RHOT1: variants seen among roughly 807,000 people sequenced by gnomAD.
RHOT1 encodes ras homolog family member T1, also known as mitochondrial Rho GTPase 1.
RHOT1 carries 27 observed loss-of-function variants against 95.3 expected under a neutral mutation model. The ratio of observed to expected loss-of-function variants is 0.28; its 90% CI spans 0.21 to 0.39. RHOT1 has a LOEUF of 0.39. RHOT1 is among the 10% of genes least tolerant of loss of function. The pLI is 1.00. For synonymous variants in RHOT1, 227 were observed against 263.5 expected (o/e 0.86, Z 1.34); for missense variants, 578 against 786.7 (o/e 0.73, Z 3.17).
intron 2 of RHOT1, among the ~76,000 whole-genome samples, chr17:32,173,509 T>G (rs1043478675): frequency 1.3e-5 from 2 of 152,032 alleles, no homozygotes; most frequent in African/African-American, 4.8e-5. Context: ...GGTCAGGAGT[T>G]CAAGACTAGC....
At chr17:32,200,043 G>A (rs2037196154) in intron 13 of RHOT1, among the ~76,000 whole-genome samples, 1 of 150,574 alleles carries the variant, frequency 6.6e-6, no homozygotes, top group Non-Finnish European at 1.5e-5. Flanking sequence ...CTGGGTTCAA[G>A]CCATTCTCCT....
intron 11 of RHOT1, among the ~76,000 whole-genome samples, chr17:32,196,379 A>T (rs2036889447): frequency 6.6e-6 from 1 of 152,048 alleles, no homozygotes; most frequent in Admixed American, 6.6e-5. Flanking sequence ...TTTTGTAGAG[A>T]TGAGGTCTCC....
chr17:32,187,068 C>G (rs9889530), intron 8 of RHOT1, among the ~76,000 whole-genome samples: 27,536 of 151,694 alleles, frequency 0.18, 2,582 homozygotes, highest in South Asian at 0.26. Context: ...AGGGGGATCA[C>G]TTGAAGCCAG....
At chr17:32,175,114 C>T (rs906192533) in intron 3 of RHOT1, among the ~76,000 whole-genome samples, 2 of 152,198 alleles carry the variant, frequency 1.3e-5, no homozygotes, top group Non-Finnish European at 2.9e-5. Flanking sequence ...CTGTTCCATG[C>T]CTGAGTTATC....
At chr17:32,208,330 T>G (rs776334118) in intron 18 of RHOT1, 21 bp downstream of exon 18, 2 of 1,598,796 alleles carry the variant, frequency 1.3e-6, no homozygotes, top group Non-Finnish European at 1.7e-6. Context: ...GCTGTCTTCA[T>G]TTTCATGTTG....
chr17:32,198,734 ATGT>A (rs1240425067), intron 11 of RHOT1, among the ~76,000 whole-genome samples: 4 of 152,094 alleles, frequency 2.6e-5, no homozygotes, highest in African/African-American at 9.7e-5. Flanking sequence ...AAAAAAGAAA[ATGT>A]TGTTACTTTG....
intron 1 of RHOT1, among the ~76,000 whole-genome samples, chr17:32,166,102 C>T (rs574354166): frequency 4.0e-5 from 6 of 150,922 alleles, no homozygotes; most frequent in African/African-American, 1.2e-4. Flanking sequence ...ACATGAAAAT[C>T]GCTTGAACCT....
At chr17:32,166,331 G>T (rs995123442) in intron 1 of RHOT1, among the ~76,000 whole-genome samples, 1 of 152,122 alleles carries the variant, frequency 6.6e-6, no homozygotes, top group Admixed American at 6.5e-5. Flanking sequence ...TCAGTGAGTT[G>T]TAACCTTTTT....
intron 8 of RHOT1, among the ~76,000 whole-genome samples, chr17:32,185,171 T>C (rs1349165933): frequency 6.6e-6 from 1 of 152,014 alleles, no homozygotes; most frequent in Non-Finnish European, 1.5e-5. Context: ...AGTGCAATGG[T>C]GCGATCTCTG....
chr17:32,194,677 A>G (rs1346059246), intron 11 of RHOT1, among the ~76,000 whole-genome samples: 1 of 152,108 alleles, frequency 6.6e-6, no homozygotes, highest in Non-Finnish European at 1.5e-5. Flanking sequence ...CTAGACAACA[A>G]ACTTGTTTTG....
chr17:32,174,892 C>T (rs1236464683), intron 3 of RHOT1, among the ~76,000 whole-genome samples: 1 of 152,140 alleles, frequency 6.6e-6, no homozygotes, highest in East Asian at 1.9e-4. Flanking sequence ...GCCTCTGGGT[C>T]TTGGTTATTA....
Position 32,142,629 on chromosome 17 carries a change from G to T in RHOT1, c.-64G>T. On this transcript the variant is annotated 5_prime_UTR_variant, in exon 1 of 20. Transcript: ENST00000545287. Reference sequence around the variant, plus strand: ...TGGCAGGTGGCGCCGTGGGGTGGGTGCTCCTGGTGAGAGGAGTCCACTCCG... The same window carrying T: ...TGGCAGGTGGCGCCGTGGGGTGGGTTCTCCTGGTGAGAGGAGTCCACTCCG... 3.6e-6 allele frequency: 5 copies of T among 1,384,090 alleles called. No individual in the cohort carries two copies. The highest frequency in any genetic ancestry group is 4.7e-6 in the Non-Finnish European group (5 of 1,060,392). 85.7% of individuals were successfully genotyped at this position (1,384,090 alleles called of 1,614,324 possible). A position where few individuals can be genotyped will look rare whatever the true frequency, so the allele number is the denominator to read the frequency against.
In RHOT1 at chr17:32,195,259, C is replaced by CT. The variant is rs1332412571; in HGVS notation, c.869+1160dup. On this transcript the variant is annotated intron_variant, in intron 11 of 19. Coordinates refer to ENST00000545287, the MANE Select transcript of RHOT1 (RefSeq NM_001033566.3). ...TATAGGTGTGCAACACAATGCCTGG[C>CT]TTTTTTTTCTTTCTTTCTTTGTTTT... 4.6e-5 allele frequency among the ~76,000 whole-genome samples: 7 copies of CT among 151,920 alleles called. 1 individual carries two copies. Among genetic ancestry groups the CT allele is most frequent in the African/African-American group, 1.4e-4 (6 of 41,428 alleles).
In RHOT1 at chr17:32,202,800, A is replaced by G. The variant is rs2037419412; in HGVS notation, c.1232A>G (p.Lys411Arg). Residue 411 changes from lysine (K) to arginine (R), a missense_variant, in exon 15 of 20, where the codon AAA (lysine) becomes AGA (arginine). This residue lies in a region of RHOT1 where 296 missense variants were observed against 338.5 expected (regional missense o/e 0.87). Coordinates refer to ENST00000545287, the MANE Select transcript of RHOT1 (RefSeq NM_001033566.3). Reference sequence around the variant, plus strand: ...AGAGATAAAAAGATAGACCTGCAGAAAAAACAAACTCAAAGAAATGTGTTC... The same window carrying G: ...AGAGATAAAAAGATAGACCTGCAGAGAAAACAAACTCAAAGAAATGTGTTC... Reference protein sequence around the residue: ...VTRDKKIDLQKKQTQRNVFRC... With the variant: ...VTRDKKIDLQRKQTQRNVFRC... 6.2e-7 allele frequency: 1 copy of G among 1,604,278 alleles called. No homozygotes were observed. The highest frequency in any genetic ancestry group is 8.5e-7 in the Non-Finnish European group (1 of 1,174,202).
At chr17:32,224,497 T>TGTATGCA in intron 19 of RHOT1, 119 bp from the exon 20 acceptor site, 1 of 590,166 alleles carries the variant, frequency 1.7e-6, no homozygotes, top group Non-Finnish European at 3.0e-6. Context: ...TAAGCATTAC[T>TGTATGCA]GTATGCAGTT....
intron 8 of RHOT1, among the ~76,000 whole-genome samples, chr17:32,184,774 G>A (rs970269022): frequency 2.0e-5 from 3 of 152,098 alleles, no homozygotes; most frequent in African/African-American, 4.8e-5. Flanking sequence ...AGAGTGCTGG[G>A]ATTACAGGTG....
At chr17:32,150,131 G>A (rs1158689297) in intron 1 of RHOT1, among the ~76,000 whole-genome samples, 1 of 152,122 alleles carries the variant, frequency 6.6e-6, no homozygotes, top group African/African-American at 2.4e-5. Context: ...TCTCACATAG[G>A]GTTAGGTAGG....
At chr17:32,148,898 GA>G (rs919858808) in intron 1 of RHOT1, among the ~76,000 whole-genome samples, 1 of 152,174 alleles carries the variant, frequency 6.6e-6, no homozygotes, top group African/African-American at 2.4e-5. Context: ...AAGATGTGAT[GA>G]AAAGACACAT....
chr17:32,149,591 CTA>C (rs1162059092), intron 1 of RHOT1, among the ~76,000 whole-genome samples: 2,716 of 52,326 alleles, frequency 0.052, 49 homozygotes, highest in Middle Eastern at 0.12. Context: ...CCCAGCAGTT[CTA>C]TATATATATA....
Sources: gnomAD v4.1 joint callset for allele counts (sites outside exome capture counted in the v4.1 genomes callset) on GRCh38, gnomAD v4.1.1 for gene constraint, gnomAD v4.1.1 regional missense constraint, MANE v1.5 for transcripts, NCBI Gene and HGNC (gene_info 2026-07-23, HGNC 2026-07-21) for gene names.